ANKFN1: variants seen among roughly 807,000 people sequenced by gnomAD.
ANKFN1 encodes the protein ankyrin repeat and fibronectin type-III domain-containing protein 1.
In ANKFN1, 74 loss-of-function variants were observed where a neutral mutation model predicts 108.7. The ratio of observed to expected loss-of-function variants is 0.68; its 90% CI spans 0.56 to 0.83. ANKFN1 has a LOEUF of 0.83. ANKFN1 is among the 40% of genes least tolerant of loss of function. ANKFN1 has a pLI of 0.00. For synonymous variants in ANKFN1, 547 were observed against 516.2 expected, an observed-to-expected ratio of 1.06 and a Z score of -0.81; for missense variants, 1,505 against 1,382.3, an observed-to-expected ratio of 1.09 and a Z score of -1.41.
At chr17:56,305,190 A>G (rs528726328) in intron 3 of ANKFN1, among the ~76,000 whole-genome samples, 1 of 152,258 alleles carries the variant, frequency 6.6e-6, no homozygotes, top group South Asian at 2.1e-4. Flanking sequence ...TCTTGTGAGA[A>G]CTCACTCACT....
intron 3 of ANKFN1, among the ~76,000 whole-genome samples, chr17:56,307,926 T>C (rs936398484): frequency 1.3e-5 from 2 of 152,168 alleles, no homozygotes; most frequent in South Asian, 4.1e-4. Flanking sequence ...ATGTCCTTTA[T>C]AGGGACATGG....
At chr17:56,257,368 T>A (rs1370916403) in intron 3 of ANKFN1, among the ~76,000 whole-genome samples, 1 of 152,186 alleles carries the variant, frequency 6.6e-6, no homozygotes, top group African/African-American at 2.4e-5. Context: ...CTGCAAACAA[T>A]AGAGCCACAT....
intron 3 of ANKFN1, among the ~76,000 whole-genome samples, chr17:56,267,699 G>A (rs966685974): frequency 6.6e-6 from 1 of 152,122 alleles, no homozygotes. Flanking sequence ...AGACCAGATG[G>A]TTGTATGTGT....
At chr17:56,363,513 GTTTCCTCGAAAAACTAAACACAGAAT>G in intron 6 of ANKFN1, among the ~76,000 whole-genome samples, 1 of 152,268 alleles carries the variant, frequency 6.6e-6, no homozygotes, top group East Asian at 1.9e-4. Flanking sequence ...ACTAAGTGGA[GTTTCCTCGAAAAACTAAACACAGAAT>G]TACCATATGA....
intron 4 of ANKFN1, among the ~76,000 whole-genome samples, chr17:56,122,019 A>G (rs1410362370): frequency 6.6e-6 from 1 of 152,170 alleles, no homozygotes; most frequent in African/African-American, 2.4e-5. Flanking sequence ...ACTGACAAAC[A>G]TTCACTAGCA....
intron 8 of ANKFN1, among the ~76,000 whole-genome samples, chr17:56,382,961 G>T (rs2144824710): frequency 6.6e-6 from 1 of 152,236 alleles, no homozygotes; most frequent in Admixed American, 6.5e-5. Flanking sequence ...ATTGAACTCA[G>T]CTCTGCACCA....
chr17:56,270,496 T>G (rs72833825), intron 3 of ANKFN1, among the ~76,000 whole-genome samples: 20,996 of 152,132 alleles, frequency 0.14, 1,539 homozygotes, highest in East Asian at 0.19. Flanking sequence ...CTAATCACCA[T>G]CATCCTACCT....
chr17:56,107,654 A>G (rs10852980), intron 4 of ANKFN1, among the ~76,000 whole-genome samples: 79,985 of 151,782 alleles, frequency 0.53, 21,432 homozygotes, highest in East Asian at 0.81. Flanking sequence ...ATTGCTCCAC[A>G]TTATCCAAAC....
intron 1 of ANKFN1, among the ~76,000 whole-genome samples, chr17:56,197,718 G>T (rs544234206): frequency 6.6e-5 from 10 of 152,308 alleles, no homozygotes; most frequent in South Asian, 4.1e-4. Context: ...TGACTACCTG[G>T]ATTTATATCC....
chr17:56,175,227 G>T (rs368520864), intron 1 of ANKFN1, among the ~76,000 whole-genome samples: 1 of 152,136 alleles, frequency 6.6e-6, no homozygotes, highest in Non-Finnish European at 1.5e-5. Flanking sequence ...GTCTGGAAAA[G>T]GTTACTTATA....
intron 3 of ANKFN1, among the ~76,000 whole-genome samples, chr17:56,279,699 A>G (rs1004713955): frequency 2.0e-5 from 3 of 152,318 alleles, no homozygotes; most frequent in Admixed American, 1.3e-4. Context: ...GAAAAGTGAC[A>G]ACTATTAGGC....
At chr17:56,220,119 G>A (rs1249491146) in intron 2 of ANKFN1, among the ~76,000 whole-genome samples, 1 of 152,188 alleles carries the variant, frequency 6.6e-6, no homozygotes, top group Non-Finnish European at 1.5e-5. Context: ...AACTGTGTAA[G>A]CTTGAAAGCA....
chr17:56,353,972 A>T lies in ANKFN1; in HGVS notation c.527A>T (p.Asp176Val). 1 of 1,613,996 alleles carries T rather than the reference A, an allele frequency of 6.2e-7. No individual in the cohort carries two copies. Among genetic ancestry groups the T allele is most frequent in the South Asian group, 1.1e-5 (1 of 91,082 alleles). ...TPNSEGLTPL[D>V]IAIMTNNVPI... ...AACAGCGAGGGCTTGACACCCCTGG[A>T]TATTGCCATCATGACCAACAATGTG... The change falls in exon 6 of 21, where the codon GAT becomes GTT. Residue 176 changes from aspartate to valine, a missense_variant. Asp to Val is a radical substitution (Grantham distance 152). Transcript: ENST00000682825.
chr17:56,126,631 C>A (rs536223479), intron 4 of ANKFN1, among the ~76,000 whole-genome samples: 1 of 152,282 alleles, frequency 6.6e-6, no homozygotes, highest in South Asian at 2.1e-4. Flanking sequence ...GTAGGAGACA[C>A]AAATAACCCT....
At chr17:56,284,291 A>C (rs1435051504) in intron 3 of ANKFN1, among the ~76,000 whole-genome samples, 1 of 152,190 alleles carries the variant, frequency 6.6e-6, no homozygotes, top group Admixed American at 6.5e-5. Flanking sequence ...CAATAGACTT[A>C]ATTGTTACAA....
chr17:56,420,101 G>A (rs537292195), intron 8 of ANKFN1, among the ~76,000 whole-genome samples: 3 of 152,182 alleles, frequency 2.0e-5, no homozygotes, highest in East Asian at 1.9e-4. Context: ...ATTGCACCAC[G>A]TTATTCCCTC....
chr17:56,314,725 C>G (rs1418833499), intron 3 of ANKFN1, among the ~76,000 whole-genome samples: 1 of 152,114 alleles, frequency 6.6e-6, no homozygotes, highest in Non-Finnish European at 1.5e-5. Context: ...GTTTCATTTC[C>G]AATATATTGG....
intron 6 of ANKFN1, among the ~76,000 whole-genome samples, chr17:56,356,109 G>T (rs1235745350): frequency 1.3e-5 from 2 of 152,044 alleles, no homozygotes; most frequent in Non-Finnish European, 2.9e-5. Context: ...TAGTACTTGG[G>T]GAAGAAAGTT....
intron 7 of ANKFN1, among the ~76,000 whole-genome samples, chr17:56,373,684 C>G (rs1009373828): frequency 1.3e-4 from 20 of 152,192 alleles, no homozygotes; most frequent in African/African-American, 4.8e-4. Context: ...TAGGCCTAAT[C>G]CTTTCTCTTG....
Sources: gnomAD v4.1 joint callset for allele counts (sites outside exome capture counted in the v4.1 genomes callset) on GRCh38, gnomAD v4.1.1 for gene constraint, MANE v1.5 for transcripts, NCBI Gene and HGNC (gene_info 2026-07-23, HGNC 2026-07-21) for gene names.